The following CUX1 variants were observed in gnomAD, a reference collection of about 807,000 sequenced individuals.
CUX1 encodes protein CASP.
A neutral mutation model predicts 158.8 loss-of-function variants in CUX1; 31 were observed. The observed-to-expected ratio is 0.20, with a 90% CI of 0.15 to 0.26. The LOEUF is 0.26. Ranked by LOEUF, CUX1 falls within the 10% of genes least tolerant of loss-of-function variation. The pLI is 1.00. For missense variants in CUX1, 1,589 were observed against 2,014.6 expected (o/e 0.79, Z 4.04); for synonymous variants, 879 against 862.1 (o/e 1.02, Z -0.34).
At chr7:102,228,978 C>T (rs1335493093) in intron 21 of CUX1, among the ~76,000 whole-genome samples, 4 of 152,206 alleles carry the variant, frequency 2.6e-5, no homozygotes, top group Admixed American at 1.3e-4. Flanking sequence ...TCCCCCTCCA[C>T]GAAACTGGAG....
intron 3 of CUX1, among the ~76,000 whole-genome samples, chr7:102,035,799 C>G (rs1821365343): frequency 6.6e-6 from 1 of 151,990 alleles, no homozygotes; most frequent in Non-Finnish European, 1.5e-5. Flanking sequence ...GAAATTTCCA[C>G]TACTATTGAA....
rs530191493 is a variant in CUX1, at chr7:102,087,636, T to C, written c.269-9728T>C. On this transcript the variant is annotated intron_variant, in intron 4 of 23. Transcript: ENST00000292535. ...CTTATCATTTTATACCTTCAAATAA[T>C]ACACCATTTCACATACAATATAAGA... Among the ~76,000 whole-genome samples, 4 of 152,292 alleles carry C rather than the reference T, an allele frequency of 2.6e-5. No individual in the cohort carries two copies. The South Asian group carries it at 8.3e-4, about 32-fold the overall frequency.
chr7:101,988,892 G>A (rs983105420), intron 2 of CUX1, among the ~76,000 whole-genome samples: 6 of 152,020 alleles, frequency 3.9e-5, no homozygotes, highest in Non-Finnish European at 5.9e-5. Context: ...CCAGCTACTC[G>A]GAAGGCCAAG....
At chr7:102,191,963 G>T (rs1180789298) in intron 12 of CUX1, among the ~76,000 whole-genome samples, 1 of 152,108 alleles carries the variant, frequency 6.6e-6, no homozygotes. Context: ...CACCAGCCCC[G>T]CTTGTCACTG....
In CUX1 at chr7:102,249,699, GA is replaced by G; in HGVS notation, c.*662del. 1 of 982,362 alleles carries G rather than the reference GA, an allele frequency of 1.0e-6. No individual in the cohort carries two copies. Among genetic ancestry groups the G allele is most frequent in the South Asian group, 4.8e-5 (1 of 20,718 alleles). 60.9% of individuals were successfully genotyped at this position (982,362 alleles called of 1,614,324 possible). A position where few individuals can be genotyped will look rare whatever the true frequency, so the allele number is the denominator to read the frequency against. ...ATAAAAGGGGGGGTGGGATTTTTCA[GA>G]AAAATTAAAAAAGAAAGTTTTTGTA... On this transcript the variant is annotated 3_prime_UTR_variant, in exon 24 of 24. Transcript: ENST00000292535.
rs145360372 is a variant in CUX1, at chr7:102,255,527, G to A, written c.*6485G>A. 23 of 985,308 alleles carry A rather than the reference G, an allele frequency of 2.3e-5. No homozygotes were observed. The East Asian group carries it at 9.1e-4, about 39-fold the overall frequency. 61.0% of individuals were successfully genotyped at this position (985,308 alleles called of 1,614,324 possible). A position where few individuals can be genotyped will look rare whatever the true frequency, so the allele number is the denominator to read the frequency against. ...TTTCATGAATCCTTTTAGTTTACCC[G>A]ATAATGTTAAGAAAGCATTAGTCTA... is the stretch of plus-strand genomic sequence containing the variant. On this transcript the variant is annotated 3_prime_UTR_variant, in exon 24 of 24. Coordinates refer to ENST00000292535, the MANE Select transcript of CUX1 (RefSeq NM_181552.4).
chr7:101,997,267 G>A (rs1240252335), intron 2 of CUX1, among the ~76,000 whole-genome samples: 1 of 152,232 alleles, frequency 6.6e-6, no homozygotes, highest in South Asian at 2.1e-4. Context: ...TAATGAGTGC[G>A]TGCACGGAGC....
chr7:102,170,411 G>A (rs1554510055), intron 9 of CUX1, 35 bp from the exon 10 acceptor site: 1 of 1,408,212 alleles, frequency 7.1e-7, no homozygotes, highest in East Asian at 2.5e-5. Flanking sequence ...TAAACTGAAT[G>A]TACTTTCTCT....
intron 2 of CUX1, among the ~76,000 whole-genome samples, chr7:102,002,458 C>A (rs1307714747): frequency 6.6e-6 from 1 of 152,210 alleles, no homozygotes; most frequent in Non-Finnish European, 1.5e-5. Context: ...TAGTGCTTTT[C>A]ACCCTGTATT....
intron 8 of CUX1, among the ~76,000 whole-genome samples, chr7:102,154,650 G>A (rs1554504596): frequency 6.6e-6 from 1 of 150,818 alleles, no homozygotes; most frequent in Non-Finnish European, 1.5e-5. Context: ...AGACCAGTTA[G>A]ATCAAGTTAA....
intron 2 of CUX1, among the ~76,000 whole-genome samples, chr7:101,964,402 G>A (rs1006787527): frequency 3.9e-5 from 6 of 152,026 alleles, no homozygotes; most frequent in African/African-American, 7.3e-5. Context: ...CCCAGGTTTC[G>A]TCACCAAATT....
At chr7:102,052,328 C>A (rs1481850447) in intron 3 of CUX1, among the ~76,000 whole-genome samples, 1 of 152,174 alleles carries the variant, frequency 6.6e-6, no homozygotes, top group Admixed American at 6.5e-5. Context: ...CCATTCCCCC[C>A]ATGTCTCTGT....
intron 3 of CUX1, among the ~76,000 whole-genome samples, chr7:102,028,872 C>T (rs868337822): frequency 6.6e-6 from 1 of 152,072 alleles, no homozygotes; most frequent in African/African-American, 2.4e-5. Flanking sequence ...TGAATCTCAC[C>T]TCTTTAGCTT....
intron 2 of CUX1, among the ~76,000 whole-genome samples, chr7:101,921,942 A>G (rs557383942): frequency 6.6e-6 from 1 of 152,220 alleles, no homozygotes; most frequent in African/African-American, 2.4e-5. Context: ...ACATAGTGAG[A>G]TTCCATCTCT....
At chr7:102,028,032 T>G in intron 2 of CUX1, 66 bp from the exon 3 acceptor site, 1 of 1,576,504 alleles carries the variant, frequency 6.3e-7, no homozygotes, top group East Asian at 2.2e-5. Context: ...TAGGAGGCCT[T>G]AACCAATGTT....
At position 101,912,910 on chromosome 7, in the gene CUX1, C is replaced by T. The variant is rs113856131; in HGVS notation, c.31-3205C>T. Among the ~76,000 whole-genome samples, 929 of 152,266 alleles carry T rather than the reference C, an allele frequency of 6.1e-3. 11 individuals carry two copies. The highest frequency in any genetic ancestry group is 0.021 in the African/African-American group (879 of 41,544). On this transcript the variant is annotated intron_variant, in intron 1 of 23. Coordinates refer to ENST00000292535, the MANE Select transcript of CUX1 (RefSeq NM_181552.4). ...TCCATACGCCTTCTCACACGTGACC[C>T]GTGACTCATGGGCCGAGGCCTCTGC...
At chr7:101,987,531 A>G (rs941935580) in intron 2 of CUX1, among the ~76,000 whole-genome samples, 7 of 152,234 alleles carry the variant, frequency 4.6e-5, no homozygotes, top group Admixed American at 3.9e-4. Flanking sequence ...TGAGTTGACT[A>G]TTGGGGGAAC....
At chr7:101,972,644 T>C (rs939704228) in intron 2 of CUX1, among the ~76,000 whole-genome samples, 1 of 152,192 alleles carries the variant, frequency 6.6e-6, no homozygotes, top group African/African-American at 2.4e-5. Flanking sequence ...CACCACCTCC[T>C]GTGTATTCGT....
intron 11 of CUX1, among the ~76,000 whole-genome samples, chr7:102,180,589 C>G (rs1792924875): frequency 6.6e-6 from 1 of 151,176 alleles, no homozygotes; most frequent in South Asian, 2.1e-4. Context: ...GCTCCCAAAA[C>G]ACTTTGGGAT....
Sources: gnomAD v4.1 joint callset for allele counts (sites outside exome capture counted in the v4.1 genomes callset) on GRCh38, gnomAD v4.1.1 for gene constraint, MANE v1.5 for transcripts, NCBI Gene and HGNC (gene_info 2026-07-23, HGNC 2026-07-21) for gene names.